The following PTPRS variants were observed in gnomAD, a reference collection of about 807,000 sequenced individuals.
PTPRS encodes the protein receptor-type tyrosine-protein phosphatase S.
A neutral mutation model predicts 215.3 loss-of-function variants in PTPRS; 63 were observed. The ratio of observed to expected loss-of-function variants is 0.29; its 90% CI spans 0.24 to 0.36. The LOEUF is 0.36. PTPRS is among the 10% of genes least tolerant of loss of function. The pLI, the probability that PTPRS is intolerant of heterozygous loss-of-function variation, is 1.00. For synonymous variants in PTPRS, 1,404 were observed against 1,191.4 expected (o/e 1.18, Z -3.68); for missense variants, 2,258 against 2,825.8 (o/e 0.80, Z 4.56).
In PTPRS at chr19:5,246,001, C is replaced by T. The variant is rs558548676; in HGVS notation, c.763G>A (p.Glu255Lys). 5.7e-6 allele frequency: 9 copies of T among 1,567,294 alleles called. No individual in the cohort carries two copies. Among genetic ancestry groups the T allele is most frequent in the African/African-American group, 2.7e-5 (2 of 73,564 alleles). Residue 255 changes from glutamate to lysine, a missense_variant, in exon 10 of 38, where the codon GAG becomes AAG. Around this residue, in one of 6 missense-constraint regions of PTPRS, gnomAD observed 508 missense variants for 799.4 expected, o/e 0.64. Coordinates refer to ENST00000262963, the MANE Select transcript of PTPRS (RefSeq NM_002850.4). ...PRFSILPMSH[E>K]IMPGGNVNIT... ...TTCACGTTGCCCCCTGGCATGATCT[C>T]GTGGCTCATGGGCAGGATGGAGAAG... is the stretch of plus-strand genomic sequence containing the variant.
intron 1 of PTPRS, among the ~76,000 whole-genome samples, chr19:5,318,397 C>T (rs957730122): frequency 1.3e-5 from 2 of 151,746 alleles, no homozygotes; most frequent in South Asian, 2.1e-4. Context: ...TGCTGCGAGA[C>T]GGAATGAGGA....
chr19:5,227,769 G>A (rs2042632035), intron 16 of PTPRS, among the ~76,000 whole-genome samples: 1 of 152,096 alleles, frequency 6.6e-6, no homozygotes, highest in Non-Finnish European at 1.5e-5. Context: ...AGGGAGGAGG[G>A]GCTCTTGTCA....
At chr19:5,219,868 G>A in intron 22 of PTPRS, 71 bp downstream of exon 22, 3 of 1,522,652 alleles carry the variant, frequency 2.0e-6, no homozygotes, top group Non-Finnish European at 2.7e-6. Flanking sequence ...CAGAGGTCAG[G>A]GCCCTGGGGA....
At chr19:5,253,992 C>T (rs1315949105) in intron 9 of PTPRS, among the ~76,000 whole-genome samples, 1 of 152,088 alleles carries the variant, frequency 6.6e-6, no homozygotes, top group African/African-American at 2.4e-5. Flanking sequence ...GTCACGTAGC[C>T]AGGGAGGGGC....
Position 5,214,752 on chromosome 19 carries a change from G to C in PTPRS, c.4319-16C>G. 1 of 1,589,554 alleles carries C rather than the reference G, an allele frequency of 6.3e-7. No homozygotes were observed. Among genetic ancestry groups the C allele is most frequent in the Non-Finnish European group, 8.6e-7 (1 of 1,162,712 alleles). On this transcript the variant is annotated splice_polypyrimidine_tract_variant and intron_variant, in intron 28 of 37. Transcript: ENST00000262963. ...CCCATGATGCCTGCAGCCAGGGCGA[G>C]AGGCCAGGGATCTGTGGGGGCTGTC... is the stretch of plus-strand genomic sequence containing the variant.
chr19:5,245,627 A>G, intron 10 of PTPRS, 149 bp downstream of exon 10: 4 of 1,240,682 alleles, frequency 3.2e-6, no homozygotes, highest in Non-Finnish European at 4.3e-6. Context: ...ATACCTGTTC[A>G]AAGAACAACC....
chr19:5,322,887 A>C (rs2147227247), intron 1 of PTPRS, among the ~76,000 whole-genome samples: 2 of 132,896 alleles, frequency 1.5e-5, no homozygotes. Context: ...CTCAAAAAAA[A>C]AAAAAAAAAA....
At chr19:5,276,369 C>T (rs574124192) in intron 2 of PTPRS, among the ~76,000 whole-genome samples, 11 of 151,688 alleles carry the variant, frequency 7.3e-5, no homozygotes, top group African/African-American at 2.4e-4. Context: ...ATTACAGGCA[C>T]GCACCACCAC....
intron 2 of PTPRS, among the ~76,000 whole-genome samples, chr19:5,283,429 T>C (rs1435796603): frequency 6.6e-6 from 1 of 151,768 alleles, no homozygotes; most frequent in Non-Finnish European, 1.5e-5. Flanking sequence ...ATACAAAAAT[T>C]AGCAGGGCAT....
Position 5,231,484 on chromosome 19 carries a change from G to A in PTPRS, c.1981C>T (p.Leu661=), listed in dbSNP as rs2043008572. 6.2e-7 allele frequency: 1 copy of A among 1,612,866 alleles called. No homozygotes were observed. Among genetic ancestry groups the A allele is most frequent in the Non-Finnish European group, 8.5e-7 (1 of 1,179,904 alleles). ...LVGYSVRYRP[L]GSEDPEPKEV... Reference sequence around the variant, plus strand: ...TTGGGTTCCGGGTCCTCTGAGCCCAGCGGTCGGTAGCGGACGCTGTAGCCC... The same window carrying A: ...TTGGGTTCCGGGTCCTCTGAGCCCAACGGTCGGTAGCGGACGCTGTAGCCC... Residue 661 remains leucine, a synonymous_variant, in exon 14 of 38, where the codon CTG becomes TTG. Transcript: ENST00000262963.
intron 19 of PTPRS, among the ~76,000 whole-genome samples, 159 bp from the exon 20 acceptor site, chr19:5,221,412 G>A (rs537918631): frequency 8.1e-4 from 122 of 151,386 alleles, no homozygotes; most frequent in African/African-American, 2.9e-3. Flanking sequence ...CCCAGGCTGA[G>A]TCCCCAACTC....
In PTPRS at chr19:5,257,949, A is replaced by G; in HGVS notation, c.706+68T>C. 7.3e-7 allele frequency: 1 copy of G among 1,371,312 alleles called. No individual in the cohort carries two copies. Among genetic ancestry groups the G allele is most frequent in the Non-Finnish European group, 1.0e-6 (1 of 984,792 alleles). 84.9% of individuals were successfully genotyped at this position (1,371,312 alleles called of 1,614,324 possible). On this transcript the variant is annotated intron_variant, in intron 8 of 37. Coordinates refer to ENST00000262963, the MANE Select transcript of PTPRS (RefSeq NM_002850.4). The surrounding 1 kb of genome is among the most constrained non-coding windows in gnomAD (Gnocchi z 4.4). ...GGGACGGGGGAGCCCGGAGGCGGTG[A>G]GCCCGAGGAGGGAGGGGGATGGGAC...
intron 25 of PTPRS, among the ~76,000 whole-genome samples, chr19:5,217,298 A>G (rs2041562981): frequency 6.6e-6 from 1 of 152,148 alleles, no homozygotes; most frequent in Admixed American, 6.5e-5. Flanking sequence ...GAATTGTGAG[A>G]CTCTGCATGA....
chr19:5,268,591 C>A (rs1443882995), intron 4 of PTPRS, among the ~76,000 whole-genome samples: 1 of 151,960 alleles, frequency 6.6e-6, no homozygotes, highest in Non-Finnish European at 1.5e-5. Flanking sequence ...TCAATCCCTG[C>A]CTCCCCAGGA....
chr19:5,303,112 A>C (rs1028467554), intron 1 of PTPRS, among the ~76,000 whole-genome samples: 2 of 151,780 alleles, frequency 1.3e-5, no homozygotes, highest in African/African-American at 4.8e-5. Context: ...ACAACAAAAA[A>C]CCGTGGCTCA....
chr19:5,326,717 G>A (rs1600132770), intron 1 of PTPRS, among the ~76,000 whole-genome samples: 1 of 142,942 alleles, frequency 7.0e-6, no homozygotes, highest in Non-Finnish European at 1.5e-5. Context: ...AAGAAACGAA[G>A]AAAAGAAAGG....
intron 1 of PTPRS, among the ~76,000 whole-genome samples, chr19:5,335,471 G>A (rs1047630354): frequency 6.6e-6 from 1 of 152,136 alleles, no homozygotes; most frequent in African/African-American, 2.4e-5. Flanking sequence ...CTCCTGCACG[G>A]AGAACTGAAA....
In PTPRS at chr19:5,222,768, G is replaced by C; in HGVS notation, c.3024C>G (p.Leu1008=). The change falls in exon 18 of 38, where the codon CTC becomes CTG. Residue 1008 remains leucine (L), a synonymous_variant. Coordinates refer to ENST00000262963, the MANE Select transcript of PTPRS (RefSeq NM_002850.4). Reference sequence around the variant, plus strand: ...CCCGGCGCGTGTGGGCTCGCACTTGGAGGTCATAGGCCGTGTCGGGCTTCA... The same window carrying C: ...CCCGGCGCGTGTGGGCTCGCACTTGCAGGTCATAGGCCGTGTCGGGCTTCA... ...QGLKPDTAYD[L]QVRAHTRRGP... is the part of the protein sequence containing the mutation. The C allele has an allele frequency of 1.9e-6, 3 of 1,599,030 alleles. No homozygotes were observed. Among genetic ancestry groups the C allele is most frequent in the Non-Finnish European group, 2.5e-6 (3 of 1,178,622 alleles).
intron 1 of PTPRS, among the ~76,000 whole-genome samples, chr19:5,303,195 G>T (rs1437574000): frequency 6.6e-6 from 1 of 152,164 alleles, no homozygotes; most frequent in Non-Finnish European, 1.5e-5. Flanking sequence ...CCACTCTCTG[G>T]GACTCAGTTT....
Sources: allele counts gnomAD v4.1 joint callset (sites outside exome capture counted in the v4.1 genomes callset), GRCh38; gene constraint gnomAD v4.1.1; regional missense constraint gnomAD v4.1.1; non-coding constraint Gnocchi (gnomAD v3.1); transcripts MANE v1.5; gene names NCBI Gene and HGNC (gene_info 2026-07-23, HGNC 2026-07-21).